Variants in NLRP13 observed in about 807,000 individuals in gnomAD.
NLRP13 encodes the protein NLR family pyrin domain containing 13.
A neutral mutation model predicts 94.4 loss-of-function variants in NLRP13; 82 were observed. The ratio of observed to expected loss-of-function variants is 0.87; its 90% confidence interval spans 0.73 to 1.04. NLRP13 has a LOEUF of 1.04. Among genes scored for constraint, NLRP13 ranks in the 50% least tolerant of loss-of-function variants. The probability of loss-of-function intolerance (pLI) is 0.00; values close to 1 mark genes in which losing one functional copy is unlikely to be tolerated. For missense variants in NLRP13, 1,426 were observed against 1,230.8 expected, an observed-to-expected ratio of 1.16 and a Z score of -2.37; for synonymous variants, 553 against 464.7, an observed-to-expected ratio of 1.19 and a Z score of -2.45.
At chr19:55,892,733 C>CTTTAAATCCACATGTACTGATTGTTTA (rs1985891358), downstream of NLRP13, among the ~76,000 whole-genome samples, 1 of 152,118 alleles carries the variant, frequency 6.6e-6, no homozygotes, top group Non-Finnish European at 1.5e-5. Context: ...CTGTCACCAT[C>CTTTAAATCCACATGTACTGATTGTTTA]TTTAAATCCA....
Position 55,910,586 on chromosome 19 carries a change from T to C in NLRP13, c.2259A>G (p.Pro753=). Residue 753 remains proline, a synonymous_variant, in exon 6 of 11, where the codon CCA becomes CCG. Transcript: ENST00000342929. ...ACGTCAGTTTCTGGACTTTGCATCT[T>C]GGATTTTTCAGTGCAAGACAGAGAC... ...VKGLCLALKN[P]RCKVQKLTCK... is the part of the protein sequence containing the mutation. 6.2e-7 allele frequency: 1 copy of C among 1,605,898 alleles called. No individual in the cohort carries two copies. Among genetic ancestry groups the C allele is most frequent in the Non-Finnish European group, 8.5e-7 (1 of 1,173,882 alleles).
chr19:55,920,543 T>TAA (rs57159987), intron 4 of NLRP13, among the ~76,000 whole-genome samples: 19 of 148,434 alleles, frequency 1.3e-4, no homozygotes, highest in East Asian at 4.0e-4. Flanking sequence ...AAGAAACATG[T>TAA]AAAAAAAAAA....
chr19:55,927,141 C>T (rs915389608), intron 1 of NLRP13, among the ~76,000 whole-genome samples: 7 of 152,026 alleles, frequency 4.6e-5, no homozygotes, highest in Non-Finnish European at 8.8e-5. Flanking sequence ...GAGGCTGAGG[C>T]AGGCAGATCA....
chr19:55,909,619 G>A (rs1406012923), intron 6 of NLRP13, among the ~76,000 whole-genome samples: 2 of 151,634 alleles, frequency 1.3e-5, no homozygotes, highest in East Asian at 3.9e-4. Flanking sequence ...GGCCAATTTC[G>A]ATCTGCCCAC....
At chr19:55,893,493 AG>A (rs1347828604), downstream of NLRP13, among the ~76,000 whole-genome samples, 2 of 152,166 alleles carry the variant, frequency 1.3e-5, no homozygotes, top group African/African-American at 4.8e-5. Flanking sequence ...TAACAAATGA[AG>A]GGTAACTTTT....
chr19:55,930,898 A>ATATATATACACACACGTATATATAT, intron 1 of NLRP13, among the ~76,000 whole-genome samples: 1 of 104,898 alleles, frequency 9.5e-6, no homozygotes, highest in African/African-American at 3.9e-5. Flanking sequence ...ATATATATAT[A>ATATATATACACACACGTATATATAT]AAATTTTAAC....
At chr19:55,924,071 AT>A in intron 3 of NLRP13, 92 bp from the exon 4 acceptor site, 1 of 950,548 alleles carries the variant, frequency 1.1e-6, no homozygotes, top group Non-Finnish European at 1.7e-6. Context: ...AACTCTTTCT[AT>A]GGCAAACTTG....
At position 55,910,562 on chromosome 19, in the gene NLRP13, C is replaced by A; in HGVS notation, c.2282+1G>T. On this transcript the variant is annotated splice_donor_variant, in intron 6 of 10. Transcript: ENST00000342929. LOFTEE classifies it high-confidence loss of function. ...TTGAGCTGCTGGCGTCTCACACTTACGTCAGTTTCTGGACTTTGCATCTTG... is the reference window on the plus strand; with the variant it reads ...TTGAGCTGCTGGCGTCTCACACTTAAGTCAGTTTCTGGACTTTGCATCTTG... The A allele has an allele frequency of 6.3e-7, 1 of 1,592,822 alleles. No homozygotes were observed. The highest frequency in any genetic ancestry group is 8.6e-7 in the Non-Finnish European group (1 of 1,165,174).
chr19:55,927,660 C>A (rs116019187), intron 1 of NLRP13, among the ~76,000 whole-genome samples: 1 of 152,192 alleles, frequency 6.6e-6, no homozygotes, highest in East Asian at 1.9e-4. Context: ...GGGCAAGTGA[C>A]GCTTTCAGAT....
chr19:55,893,952 A>C (rs539714338), downstream of NLRP13, among the ~76,000 whole-genome samples: 1 of 152,102 alleles, frequency 6.6e-6, no homozygotes, highest in Non-Finnish European at 1.5e-5. Context: ...CTCACTTCCT[A>C]AAGTAGGCAA....
At position 55,913,026 on chromosome 19, in the gene NLRP13, T is replaced by C. The variant is rs776218787; in HGVS notation, c.791A>G (p.Tyr264Cys). 26 of 1,614,132 alleles carry C rather than the reference T, an allele frequency of 1.6e-5. No individual in the cohort carries two copies. Among genetic ancestry groups the C allele is most frequent in the African/African-American group, 6.7e-5 (5 of 75,034 alleles). ...NGVLFQQRFS[Y>C]VFYLSCHKIR... ...TTTATGGCAGCTGAGATAGAAAACA[T>C]AGGAGAACCTTTGCTGAAAGAGAAC... is the stretch of plus-strand genomic sequence containing the variant. Residue 264 changes from tyrosine (Y) to cysteine (C), a missense_variant, in exon 5 of 11, where the codon TAT (tyrosine) becomes TGT (cysteine). Tyr to Cys is a radical substitution (Grantham distance 194). Coordinates refer to ENST00000342929, the MANE Select transcript of NLRP13 (RefSeq NM_176810.2).
intron 5 of NLRP13, 132 bp downstream of exon 5, chr19:55,911,574 G>A: frequency 4.8e-6 from 4 of 825,584 alleles, no homozygotes; most frequent in South Asian, 1.8e-5. Context: ...AGTTAGAGCT[G>A]CTCCAGACCA....
At chr19:55,930,946 A>C (rs1987115953) in intron 1 of NLRP13, among the ~76,000 whole-genome samples, 1 of 149,482 alleles carries the variant, frequency 6.7e-6, no homozygotes, top group Non-Finnish European at 1.5e-5. Flanking sequence ...CTTGCTGATT[A>C]ATTACAAAAC....
intron 7 of NLRP13, among the ~76,000 whole-genome samples, chr19:55,906,912 C>T (rs1223893717): frequency 6.6e-6 from 1 of 152,048 alleles, no homozygotes; most frequent in Non-Finnish European, 1.5e-5. Flanking sequence ...ATTCTTAGGT[C>T]CCACCCCAAA....
At chr19:55,920,344 GT>G (rs1986787232) in intron 4 of NLRP13, among the ~76,000 whole-genome samples, 1 of 152,020 alleles carries the variant, frequency 6.6e-6, no homozygotes, top group African/African-American at 2.4e-5. Flanking sequence ...TAATTAAGAA[GT>G]TTCTACACAG....
chr19:55,931,888 G>A, intron 1 of NLRP13, 105 bp downstream of exon 1: 1 of 889,604 alleles, frequency 1.1e-6, no homozygotes, highest in Non-Finnish European at 1.8e-6. Flanking sequence ...AGGATTTGTA[G>A]GGGGAGATCG....
chr19:55,924,927 A>T, intron 2 of NLRP13, 40 bp downstream of exon 2: 10 of 1,544,890 alleles, frequency 6.5e-6, no homozygotes, highest in Non-Finnish European at 9.0e-6. Context: ...GTGCTCCATC[A>T]AGCAACCTGT....
chr19:55,894,842 G>A (rs1199584314), downstream of NLRP13, among the ~76,000 whole-genome samples: 1 of 152,096 alleles, frequency 6.6e-6, no homozygotes, highest in African/African-American at 2.4e-5. Flanking sequence ...CGTACAGTAG[G>A]TACAAGAATG....
intron 1 of NLRP13, among the ~76,000 whole-genome samples, chr19:55,927,656 G>A (rs1987001682): frequency 6.6e-6 from 1 of 152,106 alleles, no homozygotes; most frequent in Non-Finnish European, 1.5e-5. Context: ...ACCAGGGCAA[G>A]TGACGCTTTC....
Sources: gnomAD v4.1 joint callset for allele counts (sites outside exome capture counted in the v4.1 genomes callset) on GRCh38, gnomAD v4.1.1 for gene constraint, MANE v1.5 for transcripts, NCBI Gene and HGNC (gene_info 2026-07-23, HGNC 2026-07-21) for gene names.